The following NANOGNB variants were observed in gnomAD, a reference collection of about 807,000 sequenced individuals.
NANOGNB encodes the protein homeobox C14.
A neutral mutation model predicts 25.0 loss-of-function variants in NANOGNB; 30 were observed. The observed-to-expected ratio is 1.20, with a 90% CI of 0.90 to 1.63. NANOGNB has a LOEUF of 1.63. NANOGNB is among the 40% of genes most tolerant of loss of function. The pLI is 0.00. For synonymous variants in NANOGNB, 84 were observed against 62.1 expected (o/e 1.35, Z -1.66); for missense variants, 200 against 188.1 (o/e 1.06, Z -0.37).
At chr12:7,771,863 C>T (rs1014786066) in intron 3 of NANOGNB, among the ~76,000 whole-genome samples, 5 of 152,046 alleles carry the variant, frequency 3.3e-5, no homozygotes, top group Middle Eastern at 3.2e-3. Flanking sequence ...TCAGATGGTC[C>T]GCCCGCCTCG....
At chr12:7,771,574 A>G (rs951890670) in intron 3 of NANOGNB, among the ~76,000 whole-genome samples, 3 of 151,938 alleles carry the variant, frequency 2.0e-5, no homozygotes, top group Non-Finnish European at 2.9e-5. Flanking sequence ...TGTATTATTT[A>G]TGTATATTTA....
intron 1 of NANOGNB, among the ~76,000 whole-genome samples, chr12:7,767,878 C>A (rs1865259535): frequency 6.6e-6 from 1 of 151,370 alleles, no homozygotes. Flanking sequence ...CCTCTCACCT[C>A]ATTTTTTTAT....
Position 7,768,674 on chromosome 12 carries a change from A to G in NANOGNB, c.103-1309A>G, listed in dbSNP as rs145367217. On this transcript the variant is annotated intron_variant, in intron 1 of 3. Coordinates refer to ENST00000382119, the MANE Select transcript of NANOGNB (RefSeq NM_001145465.1). ...CAGCCTCCGGAGTAGCTGGGACTAC[A>G]GGCACCCGCCGCCATGCCCCGCTAA... Among the ~76,000 whole-genome samples, 621 of 152,114 alleles carry G rather than the reference A, an allele frequency of 4.1e-3. 6 individuals are homozygous for G. The highest frequency in any genetic ancestry group is 0.013 in the African/African-American group (557 of 41,512).
chr12:7,768,168 C>T (rs559395458), intron 1 of NANOGNB, among the ~76,000 whole-genome samples: 4 of 152,070 alleles, frequency 2.6e-5, no homozygotes, highest in African/African-American at 7.2e-5. Context: ...TTTAGAGAAA[C>T]GGTCTTTTTC....
At position 7,766,033 on chromosome 12, in the gene NANOGNB, G is replaced by A. The variant is rs186125894; in HGVS notation, c.102+646G>A. 267 of 397,866 alleles carry A rather than the reference G, an allele frequency of 6.7e-4. 1 individual carries two copies. The Admixed American group carries it at 8.9e-3, about 13-fold the overall frequency. The allele number at this position is 397,866 out of a possible 1,614,324, so 24.6% of individuals were successfully genotyped here. On this transcript the variant is annotated intron_variant, in intron 1 of 3. Transcript: ENST00000382119. ...GGACAGAAATCAGTAGGGGAAAGAG[G>A]AGCAACAAAGAAAGCTTTGAAAGAG...
chr12:7,765,986 G>A, intron 1 of NANOGNB: 1 of 395,484 alleles, frequency 2.5e-6, no homozygotes, highest in Non-Finnish European at 4.5e-6. Context: ...ATTTAACCTT[G>A]AGTGTGATTG....
At chr12:7,767,109 G>C (rs747810693) in intron 1 of NANOGNB, among the ~76,000 whole-genome samples, 1 of 152,272 alleles carries the variant, frequency 6.6e-6, no homozygotes, top group Non-Finnish European at 1.5e-5. Context: ...CCAAAATGCT[G>C]GGATTACAGG....
In NANOGNB at chr12:7,770,264, T is replaced by C; in HGVS notation, c.384T>C (p.Thr128=). The C allele has an allele frequency of 6.5e-7, 1 of 1,543,192 alleles. No homozygotes were observed. Among genetic ancestry groups the C allele is most frequent in the Non-Finnish European group, 8.7e-7 (1 of 1,145,010 alleles). Residue 128 remains threonine, a synonymous_variant, in exon 2 of 4, where the codon ACT becomes ACC. Coordinates refer to ENST00000382119, the MANE Select transcript of NANOGNB (RefSeq NM_001145465.1). ...AGTTTAAGTTAAACAGGTGCCCCACTATACAAGAGAGTCTATCACTGTCAT... is the reference window on the plus strand; with the variant it reads ...AGTTTAAGTTAAACAGGTGCCCCACCATACAAGAGAGTCTATCACTGTCAT... ...WAKFKLNRCP[T]IQESLSLSFE...
At chr12:7,769,178 G>C (rs1865270948) in intron 1 of NANOGNB, among the ~76,000 whole-genome samples, 1 of 151,404 alleles carries the variant, frequency 6.6e-6, no homozygotes, top group Admixed American at 6.6e-5. Flanking sequence ...TATTTTTTTT[G>C]AGACAGAGTC....
intron 3 of NANOGNB, 124 bp downstream of exon 3, chr12:7,770,642 C>T (rs1005426881): frequency 4.3e-5 from 26 of 597,792 alleles, no homozygotes; most frequent in African/African-American, 2.3e-4. Context: ...GACGGAGTTT[C>T]GCTCTTGTTA....
intron 1 of NANOGNB, among the ~76,000 whole-genome samples, chr12:7,769,116 C>T (rs1315215409): frequency 6.6e-6 from 1 of 152,090 alleles, no homozygotes; most frequent in African/African-American, 2.4e-5. Context: ...AAGACAGTTC[C>T]AAGATTGCGT....
At chr12:7,767,344 G>C (rs934486318) in intron 1 of NANOGNB, among the ~76,000 whole-genome samples, 16 of 150,796 alleles carry the variant, frequency 1.1e-4, no homozygotes, top group Non-Finnish European at 1.9e-4. Flanking sequence ...ATTGAGAAGA[G>C]GAGTGGTAGC....
At chr12:7,765,857 T>C (rs767009118) in intron 1 of NANOGNB, among the ~76,000 whole-genome samples, 4 of 152,170 alleles carry the variant, frequency 2.6e-5, no homozygotes, top group Admixed American at 2.6e-4. Context: ...ATTGGGAGTT[T>C]GACATAGAAG....
chr12:7,768,892 G>A (rs765657451), intron 1 of NANOGNB, among the ~76,000 whole-genome samples: 2 of 152,190 alleles, frequency 1.3e-5, no homozygotes, highest in East Asian at 3.9e-4. Flanking sequence ...GAGTGCAGTG[G>A]CTGGGCTGGG....
intron 3 of NANOGNB, among the ~76,000 whole-genome samples, chr12:7,773,092 T>C (rs1029962550): frequency 6.6e-6 from 1 of 151,214 alleles, no homozygotes; most frequent in Non-Finnish European, 1.5e-5. Context: ...TTACTCTTAG[T>C]GTCCTCTATT....
chr12:7,765,957 G>C, intron 1 of NANOGNB: 1 of 393,470 alleles, frequency 2.5e-6, no homozygotes, highest in African/African-American at 2.1e-5. Context: ...TACATGTAAA[G>C]GAGATAAGAG....
intron 1 of NANOGNB, among the ~76,000 whole-genome samples, chr12:7,768,315 G>C (rs1349005821): frequency 1.3e-5 from 2 of 151,924 alleles, no homozygotes; most frequent in African/African-American, 4.8e-5. Context: ...TCGTTTTACT[G>C]TGTTGCTGGA....
At chr12:7,771,311 C>T (rs748668650) in intron 3 of NANOGNB, among the ~76,000 whole-genome samples, 76 of 152,176 alleles carry the variant, frequency 5.0e-4, no homozygotes, top group African/African-American at 1.8e-3. Context: ...AGCTCCGCCT[C>T]CCGGGTTCAC....
intron 3 of NANOGNB, among the ~76,000 whole-genome samples, chr12:7,772,487 C>T (rs1212666446): frequency 6.6e-6 from 1 of 151,404 alleles, no homozygotes; most frequent in African/African-American, 2.4e-5. Context: ...CCATGTTAGC[C>T]AGGATGGTCT....
Sources: gnomAD v4.1 joint callset for allele counts (sites outside exome capture counted in the v4.1 genomes callset) on GRCh38, gnomAD v4.1.1 for gene constraint, MANE v1.5 for transcripts, NCBI Gene and HGNC (gene_info 2026-07-23, HGNC 2026-07-21) for gene names.